QRFPR: variants seen among roughly 807,000 people sequenced by gnomAD.
QRFPR encodes the protein pyroglutamylated RFamide peptide receptor.
Under a neutral mutation model 31.3 loss-of-function variants are expected in QRFPR, and 37 were observed. The ratio of observed to expected loss-of-function variants is 1.18; its 90% CI spans 0.91 to 1.56. The LOEUF (loss-of-function observed/expected upper bound fraction) is 1.56, where lower values mean the gene tolerates loss of function less well. QRFPR is among the 40% of genes most tolerant of loss of function. QRFPR has a pLI of 0.00. For missense variants in QRFPR, 542 were observed against 532.5 expected, an observed-to-expected ratio of 1.02 and a Z score of -0.18; for synonymous variants, 197 against 192.0, an observed-to-expected ratio of 1.03 and a Z score of -0.22.
At position 121,379,624 on chromosome 4, in the gene QRFPR, T is replaced by C. The variant is rs77960659; in HGVS notation, c.340+684A>G. ...TCCACCTCTCCTCTGTCATTTTTTT[T>C]CCCCCATTATACGGAAGGAGGAGAA... On this transcript the variant is annotated intron_variant, in intron 1 of 5. Coordinates refer to ENST00000394427, the MANE Select transcript of QRFPR (RefSeq NM_198179.3). Among the ~76,000 whole-genome samples the C allele has an allele frequency of 2.5e-3, 379 of 152,296 alleles. 2 individuals carry two copies. The highest frequency in any genetic ancestry group is 8.3e-3 in the African/African-American group (346 of 41,552).
chr4:121,350,101 C>A (rs1436371054), intron 1 of QRFPR, among the ~76,000 whole-genome samples: 4 of 152,088 alleles, frequency 2.6e-5, no homozygotes, highest in Non-Finnish European at 5.9e-5. Flanking sequence ...ACAAAAAGGG[C>A]AATTTCATGC....
chr4:121,329,324 C>T lies in QRFPR; in HGVS notation c.1286G>A (p.Ser429Asn), dbSNP rs1025234125. ...SELAENSPLD[S>N]GH ...AAGATATTGTTATAATTAATGCCCA[C>T]TGTCTAAAGGAGAATTCTCAGCCAG... The change falls in exon 6 of 6, where the codon AGT becomes AAT. Residue 429 changes from serine to asparagine, a missense_variant. Physicochemically the swap from Ser to Asn is conservative, Grantham distance 46 (BLOSUM62 1). Coordinates refer to ENST00000394427, the MANE Select transcript of QRFPR (RefSeq NM_198179.3). 9.4e-6 allele frequency: 15 copies of T among 1,600,462 alleles called. No individual in the cohort carries two copies. The highest frequency in any genetic ancestry group is 1.2e-5 in the Non-Finnish European group (14 of 1,173,566).
chr4:121,352,863 A>G (rs1725790267), intron 1 of QRFPR, among the ~76,000 whole-genome samples: 1 of 151,884 alleles, frequency 6.6e-6, no homozygotes, highest in Non-Finnish European at 1.5e-5. Flanking sequence ...TCCCCTCTTC[A>G]CTACCCTTTC....
intron 1 of QRFPR, among the ~76,000 whole-genome samples, chr4:121,342,827 A>G (rs1725568807): frequency 6.6e-6 from 1 of 152,148 alleles, no homozygotes. Flanking sequence ...AAGGCATCCC[A>G]TTCTATTTTA....
intron 1 of QRFPR, among the ~76,000 whole-genome samples, chr4:121,378,691 G>A (rs1015404987): frequency 2.6e-5 from 4 of 151,990 alleles, no homozygotes; most frequent in Non-Finnish European, 4.4e-5. Flanking sequence ...CCAAAGTGTT[G>A]GGATTACAGG....
intron 1 of QRFPR, among the ~76,000 whole-genome samples, chr4:121,360,484 T>G (rs1373915422): frequency 6.6e-6 from 1 of 152,188 alleles, no homozygotes; most frequent in African/African-American, 2.4e-5. Flanking sequence ...GGGTTTAATT[T>G]TTTTTTAGGT....
intron 4 of QRFPR, among the ~76,000 whole-genome samples, chr4:121,331,175 G>GTTTTTTT (rs397995185): frequency 1.4e-5 from 1 of 69,038 alleles, no homozygotes; most frequent in Non-Finnish European, 2.5e-5. Context: ...TATATCTTGG[G>GTTTTTTT]TTTTTTTTTT....
In QRFPR at chr4:121,333,148, AGT is replaced by A. The variant is rs1725368480; in HGVS notation, c.562-94_562-93del. The A allele has an allele frequency of 7.7e-6, 6 of 784,296 alleles. No individual in the cohort carries two copies. The East Asian group carries it at 1.5e-4, about 20-fold the overall frequency. 48.6% of individuals were successfully genotyped at this position (784,296 alleles called of 1,614,324 possible). Reference sequence around the variant, plus strand: ...TATTATTGCAACACAACATTTTTTAAGTTCTTTCAAATTTGTCCCCAGCACGT... The same window carrying A: ...TATTATTGCAACACAACATTTTTTAATCTTTCAAATTTGTCCCCAGCACGT... On this transcript the variant is annotated intron_variant, in intron 3 of 5. Transcript: ENST00000394427.
chr4:121,355,737 G>A (rs1441157372), intron 1 of QRFPR, among the ~76,000 whole-genome samples: 15 of 151,784 alleles, frequency 9.9e-5, no homozygotes, highest in Admixed American at 2.6e-4. Context: ...GATATATCCC[G>A]TAGGTTTTGG....
intron 2 of QRFPR, among the ~76,000 whole-genome samples, chr4:121,337,280 C>G (rs1276083214): frequency 6.6e-6 from 1 of 152,174 alleles, no homozygotes. Context: ...GCCACCCTAT[C>G]CCCAGTGTCT....
rs1725270181 is a variant in QRFPR, at chr4:121,329,129, T to A, written c.*185A>T. The A allele has an allele frequency of 2.0e-6, 1 of 508,892 alleles. No homozygotes were observed. Among genetic ancestry groups the A allele is most frequent in the Non-Finnish European group, 3.4e-6 (1 of 295,406 alleles). 31.5% of individuals were successfully genotyped at this position (508,892 alleles called of 1,614,324 possible). ...GGAACACAGAAATCTGTTAAATGAT[T>A]GTGATCAATTGGTTGTAAACATCAC... On this transcript the variant is annotated 3_prime_UTR_variant, in exon 6 of 6. Coordinates refer to ENST00000394427, the MANE Select transcript of QRFPR (RefSeq NM_198179.3).
At chr4:121,370,351 G>A (rs1325744045) in intron 1 of QRFPR, 1 of 751,112 alleles carries the variant, frequency 1.3e-6, no homozygotes, top group Non-Finnish European at 2.5e-6. Context: ...GCCATTGAAA[G>A]GCTGAGATCC....
intron 1 of QRFPR, among the ~76,000 whole-genome samples, chr4:121,365,623 ATATATTATATATATATTT>A (rs1726113878): frequency 1.9e-4 from 2 of 10,376 alleles, no homozygotes; most frequent in South Asian, 3.2e-3. Flanking sequence ...TATATATATT[ATATATTATATATATATTT>A]TATATATTAT....
At chr4:121,337,669 T>C (rs1448843494) in intron 2 of QRFPR, among the ~76,000 whole-genome samples, 3 of 144,270 alleles carry the variant, frequency 2.1e-5, no homozygotes, top group Non-Finnish European at 4.6e-5. Flanking sequence ...CATGTATACA[T>C]ATGTAACAAA....
chr4:121,379,602 A>T (rs1579596119), intron 1 of QRFPR, among the ~76,000 whole-genome samples: 1 of 151,816 alleles, frequency 6.6e-6, no homozygotes, highest in South Asian at 2.1e-4. Context: ...CAGTGACTCC[A>T]CCTCTCCTCT....
At chr4:121,374,365 TA>T (rs1473063429) in intron 1 of QRFPR, among the ~76,000 whole-genome samples, 1 of 152,240 alleles carries the variant, frequency 6.6e-6, no homozygotes, top group Non-Finnish European at 1.5e-5. Context: ...GGGTAGGCAC[TA>T]TACTTTTTTA....
chr4:121,335,580 G>A (rs1163131818), intron 3 of QRFPR, among the ~76,000 whole-genome samples: 1 of 83,430 alleles, frequency 1.2e-5, no homozygotes. Context: ...ATGGGGGGTG[G>A]GGGGTGGGGC....
At chr4:121,336,962 C>A in intron 2 of QRFPR, 94 bp from the exon 3 acceptor site, 2 of 1,125,778 alleles carry the variant, frequency 1.8e-6, no homozygotes, top group African/African-American at 1.5e-5. Context: ...TATGAGAGGG[C>A]AGCTGTTCTC....
intron 1 of QRFPR, among the ~76,000 whole-genome samples, chr4:121,372,925 G>C (rs1726279403): frequency 6.6e-6 from 1 of 152,170 alleles, no homozygotes; most frequent in Admixed American, 6.5e-5. Flanking sequence ...GACAGCTCTA[G>C]AATGAAACCA....
Sources: allele counts gnomAD v4.1 joint callset (sites outside exome capture counted in the v4.1 genomes callset), GRCh38; gene constraint gnomAD v4.1.1; transcripts MANE v1.5; gene names NCBI Gene and HGNC (gene_info 2026-07-23, HGNC 2026-07-21).